Variants in FAF1 observed in about 807,000 individuals in gnomAD.
The protein encoded by FAF1 is Fas associated factor 1, also known as FAS-associated factor 1.
In FAF1, 25 loss-of-function variants were observed where a neutral mutation model predicts 92.5. The ratio of observed to expected loss-of-function variants is 0.27; its 90% CI spans 0.20 to 0.38. The LOEUF (loss-of-function observed/expected upper bound fraction) is 0.38. Among genes scored for constraint, FAF1 ranks in the 10% least tolerant of loss-of-function variants. FAF1 has a pLI of 1.00. For synonymous variants in FAF1, 234 were observed against 273.2 expected (o/e 0.86, Z 1.42); for missense variants, 636 against 793.3 (o/e 0.80, Z 2.38).
chr1:50,922,826 A>G (rs1239166515), intron 1 of FAF1, among the ~76,000 whole-genome samples: 2 of 151,230 alleles, frequency 1.3e-5, no homozygotes, highest in African/African-American at 4.8e-5. Flanking sequence ...CACAAAAAAA[A>G]AAAAAAAAAA....
At chr1:50,889,570 G>A (rs1644701634) in intron 1 of FAF1, among the ~76,000 whole-genome samples, 1 of 152,116 alleles carries the variant, frequency 6.6e-6, no homozygotes, top group Admixed American at 6.5e-5. Flanking sequence ...TTGTGTCTTT[G>A]TTCTCATTGG....
chr1:50,511,277 T>C (rs1647130521), intron 15 of FAF1, among the ~76,000 whole-genome samples: 1 of 152,160 alleles, frequency 6.6e-6, no homozygotes, highest in African/African-American at 2.4e-5. Context: ...TATTATACTT[T>C]AAGATCTGTG....
rs74686822 is a variant in FAF1, at chr1:50,503,324, T to G, written c.1495-11523A>C. On this transcript the variant is annotated intron_variant, in intron 15 of 18. Coordinates refer to ENST00000396153, the MANE Select transcript of FAF1 (RefSeq NM_007051.3). ...AATTCCATTTCCATAAAAAATTGTA[T>G]AGATATTGTTAATGGGCCAGGTGCA... 2.6e-4 allele frequency among the ~76,000 whole-genome samples: 40 copies of G among 152,148 alleles called. No individual in the cohort carries two copies. The East Asian group carries it at 5.6e-3, about 21-fold the overall frequency.
chr1:50,496,517 G>C (rs1250532871), intron 15 of FAF1, among the ~76,000 whole-genome samples: 1 of 152,212 alleles, frequency 6.6e-6, no homozygotes, highest in Non-Finnish European at 1.5e-5. Flanking sequence ...TGACAAGGTA[G>C]GTTATCCATC....
intron 8 of FAF1, chr1:50,607,019 A>G (rs1652461918): frequency 6.6e-6 from 1 of 152,146 alleles, no homozygotes; most frequent in African/African-American, 2.4e-5. Context: ...CAAACAAACA[A>G]ATGAAAAACT....
At chr1:50,758,277 C>T (rs555970325) in intron 4 of FAF1, among the ~76,000 whole-genome samples, 48 of 152,184 alleles carry the variant, frequency 3.2e-4, no homozygotes, top group Non-Finnish European at 5.6e-4. Flanking sequence ...TGGTCTCAAA[C>T]TCCTGACCTC....
chr1:50,498,843 C>T lies in FAF1; in HGVS notation c.1495-7042G>A, dbSNP rs531879422. Reference sequence around the variant, plus strand: ...CCAGCATGGGCGACAGAGCGAACCTCTGTCTCAAAAAAAAAAAAAAAGAAA... The same window carrying T: ...CCAGCATGGGCGACAGAGCGAACCTTTGTCTCAAAAAAAAAAAAAAAGAAA... On this transcript the variant is annotated intron_variant, in intron 15 of 18. Transcript: ENST00000396153. Among the ~76,000 whole-genome samples the T allele has an allele frequency of 3.4e-5, 5 of 144,930 alleles. No homozygotes were observed. The South Asian group carries it at 8.6e-4, about 25-fold the overall frequency.
chr1:50,736,740 A>T (rs1659156594), intron 6 of FAF1, among the ~76,000 whole-genome samples: 1 of 152,026 alleles, frequency 6.6e-6, no homozygotes, highest in Non-Finnish European at 1.5e-5. Context: ...AACAAGAGCG[A>T]AACTCCGTCT....
chr1:50,787,677 A>G (rs1661411968), intron 4 of FAF1, among the ~76,000 whole-genome samples: 1 of 152,212 alleles, frequency 6.6e-6, no homozygotes, highest in South Asian at 2.1e-4. Flanking sequence ...AAAATGAGTA[A>G]GTCTCAGTTG....
intron 7 of FAF1, among the ~76,000 whole-genome samples, chr1:50,702,676 G>C (rs769775546): frequency 2.0e-5 from 3 of 151,982 alleles, no homozygotes; most frequent in African/African-American, 2.4e-5. Context: ...TAACTAACTG[G>C]CTTAAATTAA....
chr1:50,665,936 G>A (rs1655602258), intron 7 of FAF1, among the ~76,000 whole-genome samples: 2 of 152,000 alleles, frequency 1.3e-5, no homozygotes, highest in Non-Finnish European at 2.9e-5. Context: ...CAATATTTTG[G>A]GAGGTCAAGG....
chr1:50,671,992 C>T lies in FAF1; in HGVS notation c.658-16464G>A, dbSNP rs911861047. 4.7e-5 allele frequency among the ~76,000 whole-genome samples: 7 copies of T among 148,198 alleles called. No individual in the cohort carries two copies. The South Asian group carries it at 1.5e-3, about 33-fold the overall frequency. On this transcript the variant is annotated intron_variant, in intron 7 of 18. Coordinates refer to ENST00000396153, the MANE Select transcript of FAF1 (RefSeq NM_007051.3). Reference sequence around the variant, plus strand: ...ACATATTTTTTTGTAGAGAAAAGGTCTCACTATGTTGTCCAGGGTGGTCTT... The same window carrying T: ...ACATATTTTTTTGTAGAGAAAAGGTTTCACTATGTTGTCCAGGGTGGTCTT...
chr1:50,740,834 A>AACACAC (rs147632431), intron 5 of FAF1, among the ~76,000 whole-genome samples: 7 of 150,812 alleles, frequency 4.6e-5, no homozygotes, highest in Admixed American at 4.6e-4. Flanking sequence ...ACATGCAAAC[A>AACACAC]ACACACACAC....
chr1:50,485,719 T>G (rs1371324326), intron 17 of FAF1, among the ~76,000 whole-genome samples: 5 of 123,334 alleles, frequency 4.1e-5, no homozygotes, highest in Non-Finnish European at 8.3e-5. Context: ...AAAAACAACC[T>G]GAGACTGGGT....
At chr1:50,894,501 T>G (rs1447560202) in intron 1 of FAF1, among the ~76,000 whole-genome samples, 2 of 151,942 alleles carry the variant, frequency 1.3e-5, no homozygotes, top group Admixed American at 6.6e-5. Context: ...TCTACCCCTG[T>G]GGCCAAGCTG....
At chr1:50,811,848 T>C (rs1322390148) in intron 2 of FAF1, among the ~76,000 whole-genome samples, 1 of 152,110 alleles carries the variant, frequency 6.6e-6, no homozygotes, top group Non-Finnish European at 1.5e-5. Flanking sequence ...CATTACAGCA[T>C]GGTACTGATA....
chr1:50,714,210 G>C (rs569047083), intron 6 of FAF1, among the ~76,000 whole-genome samples: 1 of 150,112 alleles, frequency 6.7e-6, no homozygotes, highest in Admixed American at 6.6e-5. Context: ...AGAAATATTT[G>C]CATTATCTTC....
chr1:50,856,890 G>A (rs922033734), intron 2 of FAF1, among the ~76,000 whole-genome samples: 2 of 151,638 alleles, frequency 1.3e-5, no homozygotes, highest in African/African-American at 4.8e-5. Flanking sequence ...ATGATGAACA[G>A]CCACAATTAA....
Position 50,573,621 on chromosome 1 carries a change from A to G in FAF1, c.1114-6390T>C, listed in dbSNP as rs1650559803. Among the ~76,000 whole-genome samples the G allele has an allele frequency of 2.0e-5, 3 of 152,110 alleles. No individual in the cohort carries two copies. In the South Asian group the frequency reaches 6.2e-4, roughly 32 times the overall value. ...TTAGCTCCTGAATGTGATTTCAGAG[A>G]CCAACAAGCATCAACCAAATTGGAG... is the stretch of plus-strand genomic sequence containing the variant. On this transcript the variant is annotated intron_variant, in intron 12 of 18. Transcript: ENST00000396153.
Sources: gnomAD v4.1 joint callset for allele counts (sites outside exome capture counted in the v4.1 genomes callset) on GRCh38, gnomAD v4.1.1 for gene constraint, MANE v1.5 for transcripts, NCBI Gene and HGNC (gene_info 2026-07-23, HGNC 2026-07-21) for gene names.